ADSS1: variants seen among roughly 807,000 people sequenced by gnomAD.
The protein encoded by ADSS1 is adenylosuccinate synthase 1.
Under a neutral mutation model 59.1 loss-of-function variants are expected in ADSS1, and 57 were observed. That is an observed-to-expected ratio of 0.97 (90% CI 0.78 to 1.20). The LOEUF (loss-of-function observed/expected upper bound fraction) is 1.20, where lower values mean the gene tolerates loss of function less well. Among genes scored for constraint, ADSS1 ranks in the 50% most tolerant of loss-of-function variants. ADSS1 has a pLI of 0.00. For synonymous variants in ADSS1, 247 were observed against 249.4 expected, an observed-to-expected ratio of 0.99 and a Z score of 0.09; for missense variants, 603 against 610.3, an observed-to-expected ratio of 0.99 and a Z score of 0.13.
chr14:104,743,422 C>A (rs1357181883), intron 10 of ADSS1: 5 of 543,578 alleles, frequency 9.2e-6, no homozygotes, highest in African/African-American at 1.9e-5. Flanking sequence ...AGGGCTGATG[C>A]CGTGAAGGAT....
At chr14:104,725,624 C>T (rs959671641) in intron 1 of ADSS1, among the ~76,000 whole-genome samples, 2 of 152,156 alleles carry the variant, frequency 1.3e-5, no homozygotes, top group Non-Finnish European at 2.9e-5. Context: ...AGCAGGCAAG[C>T]ACATCCCTCG....
chr14:104,732,198 C>A lies in ADSS1; in HGVS notation c.193-2822C>A, dbSNP rs575848605. Among the ~76,000 whole-genome samples, 31 of 152,338 alleles carry A rather than the reference C, an allele frequency of 2.0e-4. 1 individual carries two copies. In the South Asian group the frequency reaches 6.4e-3, roughly 32 times the overall value. On this transcript the variant is annotated intron_variant, in intron 1 of 12. Transcript: ENST00000330877. ...ATGGCAAGGCAGACCCTGGCCTGGA[C>A]CTGAAGGCTCTGCCTTTGTGCAGAG...
Position 104,740,626 on chromosome 14 carries a change from G to A in ADSS1, c.502G>A (p.Gly168Arg), listed in dbSNP as rs1290246650. The change falls in exon 6 of 13, where the codon GGA becomes AGA. Residue 168 changes from glycine to arginine, a missense_variant. Transcript: ENST00000330877. The surrounding 1 kb of genome is among the most constrained non-coding windows in gnomAD (Gnocchi z 4.8). Reference protein sequence around the residue: ...KNIGTTKKGIGPTYSSKAART... With the variant: ...KNIGTTKKGIRPTYSSKAART... ...TATAGGCACCACCAAGAAGGGAATC[G>A]GACCAACCTACTCTTCCAAAGCTGC... 51 of 1,613,656 alleles carry A rather than the reference G, an allele frequency of 3.2e-5. No individual in the cohort carries two copies. The highest frequency in any genetic ancestry group is 4.5e-5 in the East Asian group (2 of 44,872).
intron 1 of ADSS1, among the ~76,000 whole-genome samples, chr14:104,726,607 G>A (rs1890725289): frequency 6.6e-6 from 1 of 152,210 alleles, no homozygotes; most frequent in Non-Finnish European, 1.5e-5. Context: ...GGGTCTGGCT[G>A]GATCTCCCCA....
rs1309741518 is a variant in ADSS1 at position 104,724,461 on chromosome 14, AGGTGCGGGCTGGGGCGCCG to A, written c.192+3_192+21del. ...GACGCCGACATCATCAGCCGCTGCC[AGGTGCGGGCTGGGGCGCCG>A]GGTCCCTCCCCCACCGCCCAGCGAG... On this transcript the variant is annotated splice_donor_variant and splice_donor_5th_base_variant and coding_sequence_variant and intron_variant, in exon 1 of 13. Coordinates refer to ENST00000330877, the MANE Select transcript of ADSS1 (RefSeq NM_152328.5). LOFTEE classifies it high-confidence loss of function. 1.6e-6 allele frequency: 2 copies of A among 1,247,256 alleles called. No individual in the cohort carries two copies. The highest frequency in any genetic ancestry group is 2.0e-6 in the Non-Finnish European group (2 of 992,096). 77.3% of individuals were successfully genotyped at this position (1,247,256 alleles called of 1,614,324 possible).
intron 2 of ADSS1, among the ~76,000 whole-genome samples, chr14:104,736,544 G>A (rs899900360): frequency 3.9e-5 from 6 of 152,140 alleles, no homozygotes; most frequent in Admixed American, 1.3e-4. Flanking sequence ...CGTCGTCTCC[G>A]GGTCACTCTC....
chr14:104,733,448 G>A (rs1460375366), intron 1 of ADSS1, among the ~76,000 whole-genome samples: 2 of 152,212 alleles, frequency 1.3e-5, no homozygotes, highest in Admixed American at 1.3e-4. Flanking sequence ...GGGTTGCCCT[G>A]CCACGAGGCG....
intron 1 of ADSS1, among the ~76,000 whole-genome samples, chr14:104,731,085 G>T (rs1474607237): frequency 2.6e-5 from 4 of 151,634 alleles, no homozygotes; most frequent in African/African-American, 7.3e-5. Flanking sequence ...GGGCCACCAG[G>T]CTCCCTTGGT....
rs1891303492 is a variant in ADSS1, at chr14:104,740,475, C to T, written c.477-126C>T. 1.7e-5 allele frequency: 14 copies of T among 806,516 alleles called. No individual in the cohort carries two copies. The East Asian group carries it at 3.0e-4, about 17-fold the overall frequency. 50.0% of individuals were successfully genotyped at this position (806,516 alleles called of 1,614,324 possible). A position where few individuals can be genotyped will look rare whatever the true frequency, so the allele number is the denominator to read the frequency against. On this transcript the variant is annotated intron_variant, in intron 5 of 12. Coordinates refer to ENST00000330877, the MANE Select transcript of ADSS1 (RefSeq NM_152328.5). This position sits in a 1 kb window ranked among gnomAD's most constrained non-coding sequence, Gnocchi z 4.8. ...CCCACACACGCACACACTCACAGCT[C>T]AGCCAGACACAGGCAGCAATGGTGG...
At position 104,724,371 on chromosome 14, in the gene ADSS1, C is replaced by T. The variant is rs1167964898; in HGVS notation, c.101C>T (p.Thr34Met). The change falls in exon 1 of 13, where the codon ACG becomes ATG. Residue 34 changes from threonine (T) to methionine (M), a missense_variant. By Grantham distance (81) the Thr-to-Met change is moderately conservative. Transcript: ENST00000330877. ...GCGGCGGCGACCGGCTCCCGCGTGACGGTGGTGCTGGGCGCGCAGTGGGGG... is the reference window on the plus strand; with the variant it reads ...GCGGCGGCGACCGGCTCCCGCGTGATGGTGGTGCTGGGCGCGCAGTGGGGG... ...QEAAATGSRV[T>M]VVLGAQWGDE... is the part of the protein sequence containing the mutation. 1.8e-5 allele frequency: 23 copies of T among 1,252,952 alleles called. No individual in the cohort carries two copies. The highest frequency in any genetic ancestry group is 1.9e-5 in the Non-Finnish European group (19 of 993,546). 77.6% of individuals were successfully genotyped at this position (1,252,952 alleles called of 1,614,324 possible). A position where few individuals can be genotyped will look rare whatever the true frequency, so the allele number is the denominator to read the frequency against.
chr14:104,730,221 C>T lies in ADSS1; in HGVS notation c.193-4799C>T. ...ACACCTGGAGGGGAGCGGGTGGGTG[C>T]GGTGGCGTACATCTGTAACTCCAGC... On this transcript the variant is annotated intron_variant, in intron 1 of 12. Coordinates refer to ENST00000330877, the MANE Select transcript of ADSS1 (RefSeq NM_152328.5). 1.3e-6 allele frequency: 2 copies of T among 1,491,868 alleles called. No individual in the cohort carries two copies. Among genetic ancestry groups the T allele is most frequent in the Non-Finnish European group, 1.8e-6 (2 of 1,111,464 alleles). 92.4% of individuals were successfully genotyped at this position (1,491,868 alleles called of 1,614,324 possible).
At chr14:104,732,042 C>T (rs916800496) in intron 1 of ADSS1, among the ~76,000 whole-genome samples, 1 of 152,196 alleles carries the variant, frequency 6.6e-6, no homozygotes, top group African/African-American at 2.4e-5. Flanking sequence ...GCTGAGAGGC[C>T]TGGCGTCCAC....
In ADSS1 at chr14:104,735,139, G is replaced by A. The variant is rs748866704; in HGVS notation, c.295+17G>A. ...CCTTCATTGGTGAGTGCCCTGCCCC[G>A]ACCTGTGTGTGAGCAGGAAAGGGGG... On this transcript the variant is annotated intron_variant, in intron 2 of 12. Coordinates refer to ENST00000330877, the MANE Select transcript of ADSS1 (RefSeq NM_152328.5). The A allele has an allele frequency of 2.9e-5, 46 of 1,587,502 alleles. No homozygotes were observed. The highest frequency in any genetic ancestry group is 2.5e-4 in the East Asian group (11 of 43,528).
At chr14:104,739,963 C>G in intron 5 of ADSS1, 147 bp downstream of exon 5, 1 of 862,200 alleles carries the variant, frequency 1.2e-6, no homozygotes, top group South Asian at 1.6e-5. Flanking sequence ...CAAAATTCCA[C>G]AGCGCATCAC....
At chr14:104,730,332 A>C in intron 1 of ADSS1, 4 of 1,176,562 alleles carry the variant, frequency 3.4e-6, no homozygotes, top group Non-Finnish European at 4.6e-6. Context: ...TCTACTAAAA[A>C]TACAAAAATT....
chr14:104,729,960 C>T lies in ADSS1; in HGVS notation c.193-5060C>T, dbSNP rs1237085865. 4 of 1,587,964 alleles carry T rather than the reference C, an allele frequency of 2.5e-6. No homozygotes were observed. In the Admixed American group the frequency reaches 6.9e-5, roughly 28 times the overall value. Reference sequence around the variant, plus strand: ...GGTGGGCAGAGGCCCACGAACCTGGCCCTGACCCTCAGCTCGTCCCCAGCT... The same window carrying T: ...GGTGGGCAGAGGCCCACGAACCTGGTCCTGACCCTCAGCTCGTCCCCAGCT... On this transcript the variant is annotated intron_variant, in intron 1 of 12. Transcript: ENST00000330877.
intron 8 of ADSS1, 31 bp from the exon 9 acceptor site, chr14:104,741,817 G>C: frequency 1.2e-6 from 2 of 1,610,128 alleles, no homozygotes; most frequent in African/African-American, 1.3e-5. Context: ...GGGGGTGACA[G>C]GTAGCCCCCT....
chr14:104,735,688 C>T lies in ADSS1; in HGVS notation c.295+566C>T, dbSNP rs140919111. 2.2e-3 allele frequency among the ~76,000 whole-genome samples: 339 copies of T among 152,312 alleles called. 3 individuals are homozygous for T. In the South Asian group the frequency reaches 0.028, roughly 12 times the overall value. On this transcript the variant is annotated intron_variant, in intron 2 of 12. Coordinates refer to ENST00000330877, the MANE Select transcript of ADSS1 (RefSeq NM_152328.5). ...GACCTCCTTCCACATCGCCTGCCCC[C>T]TCCTGGGTCCGGACACAGCTCCTCC...
Position 104,743,091 on chromosome 14 carries a change from C to T in ADSS1, c.973C>T (p.Arg325Cys), listed in dbSNP as rs150880740. 8.0e-5 allele frequency: 129 copies of T among 1,612,954 alleles called. No individual in the cohort carries two copies. The highest frequency in any genetic ancestry group is 1.0e-4 in the Non-Finnish European group (121 of 1,180,000). ...INEIGGLLQT[R>C]GHEWGVTTGR... ...GGAGATTGGAGGCCTGCTGCAGACC[C>T]GCGGCCACGAGTGGGGAGTGACCAC... The change falls in exon 10 of 13, where the codon CGC (arginine) becomes TGC (cysteine). Residue 325 changes from arginine (R) to cysteine (C), a missense_variant. Coordinates refer to ENST00000330877, the MANE Select transcript of ADSS1 (RefSeq NM_152328.5).
Sources: gnomAD v4.1 joint callset for allele counts (sites outside exome capture counted in the v4.1 genomes callset) on GRCh38, gnomAD v4.1.1 for gene constraint, Gnocchi (gnomAD v3.1) non-coding constraint, MANE v1.5 for transcripts, NCBI Gene and HGNC (gene_info 2026-07-23, HGNC 2026-07-21) for gene names.